RAPGEF1: variants seen among roughly 807,000 people sequenced by gnomAD.
The protein encoded by RAPGEF1 is CRK SH3-binding GNRP.
A neutral mutation model predicts 143.3 loss-of-function variants in RAPGEF1; 33 were observed. That is an observed-to-expected ratio of 0.23 (90% CI 0.17 to 0.31). RAPGEF1 has a LOEUF of 0.31. Ranked by LOEUF, RAPGEF1 falls within the 10% of genes least tolerant of loss-of-function variation. The pLI is 1.00. For synonymous variants in RAPGEF1, 629 were observed against 676.5 expected, an observed-to-expected ratio of 0.93 and a Z score of 1.09; for missense variants, 1,199 against 1,645.4, an observed-to-expected ratio of 0.73 and a Z score of 4.69.
intron 1 of RAPGEF1, among the ~76,000 whole-genome samples, chr9:131,697,938 AG>A (rs539731832): frequency 2.6e-5 from 4 of 152,172 alleles, no homozygotes; most frequent in Non-Finnish European, 4.4e-5. Context: ...AGGCAGACAG[AG>A]GAAGTCAGAG....
chr9:131,713,197 T>C, intron 1 of RAPGEF1, among the ~76,000 whole-genome samples: 1 of 152,144 alleles, frequency 6.6e-6, no homozygotes, highest in East Asian at 1.9e-4. Flanking sequence ...CCGAGAACGC[T>C]GTGGCTGTAC....
rs894693858 is a variant in RAPGEF1 at position 131,650,985 on chromosome 9, G to T, written c.62-36C>A. On this transcript the variant is annotated intron_variant, in intron 1 of 26. Transcript: ENST00000683357. This position sits in a 1 kb window ranked among gnomAD's most constrained non-coding sequence, Gnocchi z 4.7. Reference sequence around the variant, plus strand: ...AGAGGGTACTGACTGTTAGATGGGAGTGGGAAGAAGCGATGGTTCATTGAC... The same window carrying T: ...AGAGGGTACTGACTGTTAGATGGGATTGGGAAGAAGCGATGGTTCATTGAC... 3 of 1,602,720 alleles carry T rather than the reference G, an allele frequency of 1.9e-6. No individual in the cohort carries two copies. The highest frequency in any genetic ancestry group is 1.7e-6 in the Non-Finnish European group (2 of 1,173,542).
At position 131,604,055 on chromosome 9, in the gene RAPGEF1, T is replaced by G. The variant is rs867834497; in HGVS notation, c.2320-2A>C. ...AGCTTCCTCACTGGCGTTTTCACTC[T>G]GGGGGAGACAGGACGAGAGGAAAGA... On this transcript the variant is annotated splice_acceptor_variant, in intron 13 of 26. Transcript: ENST00000683357. LOFTEE classifies it high-confidence loss of function. The G allele has an allele frequency of 2.3e-6, 3 of 1,323,770 alleles. No homozygotes were observed. The African/African-American group carries it at 4.5e-5, about 20-fold the overall frequency. 82.0% of individuals were successfully genotyped at this position (1,323,770 alleles called of 1,614,324 possible). A position where few individuals can be genotyped will look rare whatever the true frequency, so the allele number is the denominator to read the frequency against.
At chr9:131,589,795 C>T in intron 19 of RAPGEF1, 91 bp downstream of exon 19, 2 of 1,253,980 alleles carry the variant, frequency 1.6e-6, no homozygotes, top group Admixed American at 3.5e-5. Flanking sequence ...CAAGAGCCAG[C>T]TCTGCCCAGA....
intron 12 of RAPGEF1, among the ~76,000 whole-genome samples, chr9:131,614,723 C>T (rs1046104443): frequency 2.0e-5 from 3 of 152,228 alleles, no homozygotes; most frequent in African/African-American, 7.2e-5. Context: ...AACCTGGGCC[C>T]ATCTCAGAAA....
Position 131,588,001 on chromosome 9 carries a change from T to A in RAPGEF1, c.3079A>T (p.Ser1027Cys). 1.2e-6 allele frequency: 2 copies of A among 1,613,024 alleles called. No homozygotes were observed. Among genetic ancestry groups the A allele is most frequent in the Non-Finnish European group, 1.7e-6 (2 of 1,179,674 alleles). The change falls in exon 21 of 27, where the codon AGC becomes TGC. Residue 1027 changes from serine (S) to cysteine (C), a missense_variant. Ser to Cys is a moderately radical substitution (Grantham distance 112). Around this residue, in one of 6 missense-constraint regions of RAPGEF1, gnomAD observed 209 missense variants for 403.0 expected, o/e 0.52. Coordinates refer to ENST00000683357, the MANE Select transcript of RAPGEF1 (RefSeq NM_001377935.1). ...ARPGTLHDFH[S>C]HEIAEQLTLL... Reference sequence around the variant, plus strand: ...GTTAGCTGCTCCGCTATCTCATGGCTGTGAAAGTCGTGCAAGGTCCCCGGC... The same window carrying A: ...GTTAGCTGCTCCGCTATCTCATGGCAGTGAAAGTCGTGCAAGGTCCCCGGC...
intron 17 of RAPGEF1, among the ~76,000 whole-genome samples, chr9:131,593,280 G>A (rs1954666352): frequency 1.3e-5 from 2 of 152,194 alleles, no homozygotes; most frequent in African/African-American, 4.8e-5. Context: ...AATTACAACA[G>A]CCCTATTTAT....
chr9:131,679,688 A>T (rs1354607435), intron 1 of RAPGEF1, among the ~76,000 whole-genome samples: 1 of 152,256 alleles, frequency 6.6e-6, no homozygotes, highest in Non-Finnish European at 1.5e-5. Context: ...TGAGGGTACT[A>T]CGCAGCGGGG....
chr9:131,733,759 C>T (rs10114191), intron 1 of RAPGEF1, among the ~76,000 whole-genome samples: 4,180 of 152,246 alleles, frequency 0.027, 159 homozygotes, highest in African/African-American at 0.084. Flanking sequence ...ATGGGGAACA[C>T]GCTCAGCTGG....
In RAPGEF1 at chr9:131,622,009, A is replaced by C. The variant is rs1395591141; in HGVS notation, c.1703-11T>G. On this transcript the variant is annotated splice_polypyrimidine_tract_variant and intron_variant, in intron 10 of 26. Coordinates refer to ENST00000683357, the MANE Select transcript of RAPGEF1 (RefSeq NM_001377935.1). ...GCATGTAGGCCAGCACTGTGAAACA[A>C]GGGAGAAAGCTGCAGCGAGGCCGGG... is the stretch of plus-strand genomic sequence containing the variant. The C allele has an allele frequency of 1.2e-6, 2 of 1,610,932 alleles. No homozygotes were observed. The highest frequency in any genetic ancestry group is 4.5e-5 in the East Asian group (2 of 44,776).
In RAPGEF1 at chr9:131,619,168, G is replaced by C; in HGVS notation, c.1944C>G (p.His648Gln). 7.6e-7 allele frequency: 1 copy of C among 1,309,514 alleles called. No individual in the cohort carries two copies. The highest frequency in any genetic ancestry group is 1.5e-5 in the African/African-American group (1 of 66,258). The allele number at this position is 1,309,514 out of a possible 1,614,324, so 81.1% of individuals were successfully genotyped here. A position where few individuals can be genotyped will look rare whatever the true frequency, so the allele number is the denominator to read the frequency against. The change falls in exon 12 of 27, where the codon CAC (histidine) becomes CAG (glutamine). Residue 648 changes from histidine to glutamine, a missense_variant. His to Gln is a conservative substitution (Grantham distance 24, BLOSUM62 0). This residue lies in a region of RAPGEF1 where 293 missense variants were observed against 356.2 expected (regional missense o/e 0.82). Transcript: ENST00000683357. Reference protein sequence around the residue: ...CAASSFSSVSHCVQQTKVAFT... With the variant: ...CAASSFSSVSQCVQQTKVAFT... ...AGGCCACTTTAGTTTGCTGGACACA[G>C]TGGGAGACAGAGGAGAAGGAAGAAG...
chr9:131,581,639 T>A (rs918842171), intron 25 of RAPGEF1, among the ~76,000 whole-genome samples: 1 of 149,904 alleles, frequency 6.7e-6, no homozygotes, highest in African/African-American at 2.5e-5. Context: ...GAGGCAGAGA[T>A]TGCAGTGAGC....
At chr9:131,622,264 C>A (rs1456254488) in intron 10 of RAPGEF1, among the ~76,000 whole-genome samples, 2 of 152,192 alleles carry the variant, frequency 1.3e-5, no homozygotes, top group Non-Finnish European at 2.9e-5. Context: ...GGGCACATGG[C>A]GGGTGCAGGG....
At chr9:131,683,951 TAC>T (rs1234688812) in intron 1 of RAPGEF1, among the ~76,000 whole-genome samples, 2 of 152,260 alleles carry the variant, frequency 1.3e-5, no homozygotes, top group African/African-American at 4.8e-5. Context: ...TTAGGGCTCG[TAC>T]ACTTCTTCCA....
chr9:131,617,099 G>A (rs527640415), intron 12 of RAPGEF1, among the ~76,000 whole-genome samples: 9 of 152,220 alleles, frequency 5.9e-5, no homozygotes, highest in African/African-American at 1.2e-4. Flanking sequence ...AAACGTCCTC[G>A]AATTTAATTT....
chr9:131,582,452 C>A (rs1349027654), intron 25 of RAPGEF1, among the ~76,000 whole-genome samples, 153 bp downstream of exon 25: 1 of 152,052 alleles, frequency 6.6e-6, no homozygotes, highest in Admixed American at 6.6e-5. Context: ...TGCATTATAA[C>A]TGTATTACAA....
intron 12 of RAPGEF1, among the ~76,000 whole-genome samples, chr9:131,614,255 C>T (rs1053991878): frequency 2.0e-5 from 3 of 152,204 alleles, no homozygotes. Context: ...CTGACCAGGA[C>T]AAAAAGCCAA....
intron 4 of RAPGEF1, among the ~76,000 whole-genome samples, chr9:131,640,278 CTGCCTTCCCCTGATG>C (rs1967516485): frequency 6.6e-6 from 1 of 152,356 alleles, no homozygotes; most frequent in Middle Eastern, 3.4e-3. Context: ...AAGAAGCCTG[CTGCCTTCCCCTGATG>C]TGCTGTAGGA....
chr9:131,699,125 C>T (rs938946805), intron 1 of RAPGEF1, among the ~76,000 whole-genome samples: 2 of 152,170 alleles, frequency 1.3e-5, no homozygotes, highest in African/African-American at 4.8e-5. Flanking sequence ...TAACAACTAC[C>T]ACCTTGTGTC....
Sources: allele counts gnomAD v4.1 joint callset (sites outside exome capture counted in the v4.1 genomes callset), GRCh38; gene constraint gnomAD v4.1.1; regional missense constraint gnomAD v4.1.1; non-coding constraint Gnocchi (gnomAD v3.1); transcripts MANE v1.5; gene names NCBI Gene and HGNC (gene_info 2026-07-23, HGNC 2026-07-21).